The following PRR5L variants were observed in gnomAD, a reference collection of about 807,000 sequenced individuals.
PRR5L encodes proline-rich protein 5-like.
PRR5L carries 21 observed loss-of-function variants against 36.4 expected under a neutral mutation model. The observed-to-expected ratio is 0.58, with a 90% CI of 0.41 to 0.83. The LOEUF (loss-of-function observed/expected upper bound fraction) is 0.83. Ranked by LOEUF, PRR5L falls within the 40% of genes least tolerant of loss-of-function variation. PRR5L has a pLI of 0.00. For missense variants in PRR5L, 381 were observed against 473.3 expected (o/e 0.80, Z 1.81); for synonymous variants, 188 against 197.0 (o/e 0.95, Z 0.38).
intron 1 of PRR5L, among the ~76,000 whole-genome samples, chr11:36,357,163 G>T (rs914902318): frequency 6.6e-6 from 1 of 152,196 alleles, no homozygotes; most frequent in Non-Finnish European, 1.5e-5. Context: ...TTACGCCAAG[G>T]CATAATTCAG....
chr11:36,424,728 T>C (rs1037405169), intron 4 of PRR5L, among the ~76,000 whole-genome samples: 7 of 152,202 alleles, frequency 4.6e-5, no homozygotes, highest in African/African-American at 1.7e-4. Context: ...TCTCAAAGTA[T>C]GGTCCCCGAA....
In PRR5L at chr11:36,401,158, T is replaced by C. The variant is rs756037225; in HGVS notation, c.37T>C (p.Phe13Leu). The C allele has an allele frequency of 2.5e-6, 4 of 1,614,118 alleles. No individual in the cohort carries two copies. Among genetic ancestry groups the C allele is most frequent in the Non-Finnish European group, 2.5e-6 (3 of 1,180,008 alleles). Residue 13 changes from phenylalanine to leucine, a missense_variant, in exon 2 of 9, where the codon TTC (phenylalanine) becomes CTC (leucine). Transcript: ENST00000530639. Reference protein sequence around the residue: ...RGFAPILPVEFHKMGSFRRPR... With the variant: ...RGFAPILPVELHKMGSFRRPR... ...CTTCGCTCCCATTCTGCCCGTCGAG[T>C]TCCACAAGATGGGCTCCTTCCGCAG... is the stretch of plus-strand genomic sequence containing the variant.
intron 1 of PRR5L, among the ~76,000 whole-genome samples, chr11:36,357,226 C>A (rs1857037231): frequency 6.6e-6 from 1 of 152,148 alleles, no homozygotes; most frequent in African/African-American, 2.4e-5. Flanking sequence ...GGTGAGGAAG[C>A]TGCAGAAGAA....
chr11:36,444,871 C>T (rs1316930473), intron 6 of PRR5L, among the ~76,000 whole-genome samples: 1 of 152,218 alleles, frequency 6.6e-6, no homozygotes, highest in Non-Finnish European at 1.5e-5. Context: ...CAGGACCTGG[C>T]CAGAATAATG....
intron 1 of PRR5L, among the ~76,000 whole-genome samples, chr11:36,367,075 C>G (rs1301058067): frequency 6.6e-6 from 1 of 152,050 alleles, no homozygotes; most frequent in African/African-American, 2.4e-5. Context: ...TTATCTGTTT[C>G]TGAAGTGGGA....
intron 1 of PRR5L, among the ~76,000 whole-genome samples, chr11:36,340,684 G>T (rs1856809185): frequency 6.6e-6 from 1 of 152,174 alleles, no homozygotes; most frequent in East Asian, 1.9e-4. Flanking sequence ...TTGTGTCTCT[G>T]CTCTAAAAGG....
At chr11:36,328,037 C>G (rs1341737070) in intron 1 of PRR5L, among the ~76,000 whole-genome samples, 1 of 152,162 alleles carries the variant, frequency 6.6e-6, no homozygotes, top group African/African-American at 2.4e-5. Context: ...GAATAAATCT[C>G]TTGAAATATG....
intron 3 of PRR5L, 77 bp downstream of exon 3, chr11:36,403,455 C>T (rs1393191120): frequency 1.9e-6 from 2 of 1,053,476 alleles, no homozygotes; most frequent in Non-Finnish European, 2.8e-6. Flanking sequence ...GCCTTAGGAG[C>T]CTTAAGGGTT....
At chr11:36,362,850 G>A (rs1857106713) in intron 1 of PRR5L, among the ~76,000 whole-genome samples, 1 of 152,136 alleles carries the variant, frequency 6.6e-6, no homozygotes, top group South Asian at 2.1e-4. Flanking sequence ...GGCAAATGCT[G>A]CATGGGTGGG....
At chr11:36,312,347 A>G (rs931712249) in intron 1 of PRR5L, among the ~76,000 whole-genome samples, 3 of 152,206 alleles carry the variant, frequency 2.0e-5, no homozygotes, top group Non-Finnish European at 4.4e-5. Flanking sequence ...GGAAAGTACA[A>G]ATGGGAGAAC....
chr11:36,401,170 G>C lies in PRR5L; in HGVS notation c.49G>C (p.Gly17Arg). Residue 17 changes from glycine to arginine, a missense_variant, in exon 2 of 9, where the codon GGC becomes CGC. Gly to Arg is a moderately radical substitution (Grantham distance 125). Transcript: ENST00000530639. ...PILPVEFHKM[G>R]SFRRPRPRFM... ...TCTGCCCGTCGAGTTCCACAAGATG[G>C]GCTCCTTCCGCAGGCCTAGACCGCG... 1 of 1,614,098 alleles carries C rather than the reference G, an allele frequency of 6.2e-7. No homozygotes were observed. Among genetic ancestry groups the C allele is most frequent in the Non-Finnish European group, 8.5e-7 (1 of 1,180,018 alleles).
rs1327052250 is a variant in PRR5L, at chr11:36,412,692, A to AG, written c.246-6563_246-6562insG. Among the ~76,000 whole-genome samples the AG allele has an allele frequency of 5.8e-3, 887 of 152,256 alleles. 7 individuals are homozygous for AG. Among genetic ancestry groups the AG allele is most frequent in the African/African-American group, 0.02 (841 of 41,536 alleles). Reference sequence around the variant, plus strand: ...TAAAAGTAAGTCAGGCTACAGGGTGAATTGTCCCATTGTGATTTTGGCCTA... The same window carrying AG: ...TAAAAGTAAGTCAGGCTACAGGGTGAGATTGTCCCATTGTGATTTTGGCCTA... On this transcript the variant is annotated intron_variant, in intron 3 of 8. Coordinates refer to ENST00000530639, the MANE Select transcript of PRR5L (RefSeq NM_001160167.2).
intron 3 of PRR5L, among the ~76,000 whole-genome samples, chr11:36,406,220 T>C (rs537774654): frequency 6.6e-6 from 1 of 151,922 alleles, no homozygotes; most frequent in Non-Finnish European, 1.5e-5. Context: ...TCCTTTCCAG[T>C]GTTGGGGTTA....
At position 36,388,694 on chromosome 11, in the gene PRR5L, C is replaced by CTT. The variant is rs1252535250; in HGVS notation, c.-125-12301_-125-12300dup. ...TTCTTTCATTCAAGGTCGGCTCTTT[C>CTT]TTTCTTTTTTTTTTTTTTTTTTGAG... On this transcript the variant is annotated intron_variant, in intron 1 of 8. Transcript: ENST00000530639. Among the ~76,000 whole-genome samples, 81 of 112,814 alleles carry CTT rather than the reference C, an allele frequency of 7.2e-4. 11 individuals are homozygous for CTT. The highest frequency in any genetic ancestry group is 1.5e-3 in the East Asian group (5 of 3,340). 74.0% of individuals were successfully genotyped at this position (112,814 alleles called of 152,430 possible). A position where few individuals can be genotyped will look rare whatever the true frequency, so the allele number is the denominator to read the frequency against.
intron 1 of PRR5L, among the ~76,000 whole-genome samples, chr11:36,317,784 G>A (rs77055077): frequency 2.4e-3 from 365 of 152,274 alleles, no homozygotes; most frequent in Non-Finnish European, 4.0e-3. Flanking sequence ...GGGTTAATAA[G>A]TGTGTGCACT....
intron 5 of PRR5L, among the ~76,000 whole-genome samples, chr11:36,432,162 TG>T (rs143366358): frequency 0.22 from 1,902 of 8,622 alleles, 43 homozygotes; most frequent in African/African-American, 0.27. Flanking sequence ...GGTTTTTTTT[TG>T]TTTTGTTTTT....
At chr11:36,353,308 A>G (rs940025365) in intron 1 of PRR5L, among the ~76,000 whole-genome samples, 1 of 152,112 alleles carries the variant, frequency 6.6e-6, no homozygotes, top group African/African-American at 2.4e-5. Context: ...TTGAGAACCA[A>G]TGTCTTATAT....
At chr11:36,425,872 A>G (rs1858371509) in intron 4 of PRR5L, 1 of 152,192 alleles carries the variant, frequency 6.6e-6, no homozygotes, top group Non-Finnish European at 1.5e-5. Flanking sequence ...TTATGCCAAC[A>G]ACAGGAACCT....
Position 36,415,350 on chromosome 11 carries a change from C to T in PRR5L, c.246-3905C>T, listed in dbSNP as rs559992647. Reference sequence around the variant, plus strand: ...CTGGCTAAAGTGTTGTGTTGCCTTACGTAATTTCCAGCAACAACTTCAAGC... The same window carrying T: ...CTGGCTAAAGTGTTGTGTTGCCTTATGTAATTTCCAGCAACAACTTCAAGC... On this transcript the variant is annotated intron_variant, in intron 3 of 8. Coordinates refer to ENST00000530639, the MANE Select transcript of PRR5L (RefSeq NM_001160167.2). Among the ~76,000 whole-genome samples, 13 of 152,314 alleles carry T rather than the reference C, an allele frequency of 8.5e-5. 1 individual carries two copies. The highest frequency in any genetic ancestry group is 7.7e-4 in the East Asian group (4 of 5,192).
Sources: gnomAD v4.1 joint callset for allele counts (sites outside exome capture counted in the v4.1 genomes callset) on GRCh38, gnomAD v4.1.1 for gene constraint, MANE v1.5 for transcripts, NCBI Gene and HGNC (gene_info 2026-07-23, HGNC 2026-07-21) for gene names.